The following ERBB2 variants were observed in gnomAD, a reference collection of about 807,000 sequenced individuals.
The protein encoded by ERBB2 is erb-b2 receptor tyrosine kinase 2.
ERBB2 carries 61 observed loss-of-function variants against 149.0 expected under a neutral mutation model. The ratio of observed to expected loss-of-function variants is 0.41; its 90% CI spans 0.33 to 0.51. The LOEUF (loss-of-function observed/expected upper bound fraction) is 0.51, where lower values mean the gene tolerates loss of function less well. ERBB2 is among the 20% of genes least tolerant of loss of function. The probability of loss-of-function intolerance (pLI) is 0.25; values close to 1 mark genes in which losing one functional copy is unlikely to be tolerated. For synonymous variants in ERBB2, 633 were observed against 678.8 expected (o/e 0.93, Z 1.05); for missense variants, 1,205 against 1,655.1 (o/e 0.73, Z 4.72).
At chr17:39,703,014 C>G (rs969158940) in intron 1 of ERBB2, among the ~76,000 whole-genome samples, 2 of 152,230 alleles carry the variant, frequency 1.3e-5, no homozygotes, top group Non-Finnish European at 2.9e-5. Context: ...CTTGTTCAGG[C>G]GAATGACCTT....
rs2145446481 is a variant in ERBB2 at position 39,708,509 on chromosome 17, G to A, written c.414G>A (p.Arg138=). The A allele has an allele frequency of 6.2e-7, 1 of 1,614,038 alleles. No homozygotes were observed. The highest frequency in any genetic ancestry group is 8.5e-7 in the Non-Finnish European group (1 of 1,179,936). ...PVTGASPGGL[R]ELQLRSLTEI... ...CAGGGGCCTCCCCAGGAGGCCTGCGGGAGCTGCAGCTTCGAAGCCTCACAG... is the reference window on the plus strand; with the variant it reads ...CAGGGGCCTCCCCAGGAGGCCTGCGAGAGCTGCAGCTTCGAAGCCTCACAG... Residue 138 remains arginine (R), a synonymous_variant, in exon 3 of 27, where the codon CGG becomes CGA. Transcript: ENST00000269571.
chr17:39,709,195 C>A, intron 3 of ERBB2, 123 bp from the exon 4 acceptor site: 1 of 1,133,334 alleles, frequency 8.8e-7, no homozygotes, highest in Non-Finnish European at 1.3e-6. Flanking sequence ...GCTTTCTCTC[C>A]TCCCTGGGGA....
In ERBB2 at chr17:39,726,170, C is replaced by A; in HGVS notation, c.2872+317C>A. On this transcript the variant is annotated intron_variant, in intron 23 of 26. Transcript: ENST00000269571. This position sits in a 1 kb window ranked among gnomAD's most constrained non-coding sequence, Gnocchi z 5.1. ...GCAACATAGTGAGATCCTATCTCTA[C>A]AAAAAATAAAAAAATTATCTGGGTG... 1 of 397,342 alleles carries A rather than the reference C, an allele frequency of 2.5e-6. No homozygotes were observed. Among genetic ancestry groups the A allele is most frequent in the Non-Finnish European group, 4.6e-6 (1 of 219,676 alleles). 24.6% of individuals were successfully genotyped at this position (397,342 alleles called of 1,614,324 possible). A position where few individuals can be genotyped will look rare whatever the true frequency, so the allele number is the denominator to read the frequency against.
intron 15 of ERBB2, among the ~76,000 whole-genome samples, chr17:39,718,140 T>C (rs1458906959): frequency 6.6e-6 from 1 of 152,240 alleles, no homozygotes; most frequent in Non-Finnish European, 1.5e-5. Context: ...AATAGAATCA[T>C]AGATCATACA....
upstream of ERBB2, among the ~76,000 whole-genome samples, chr17:39,693,608 A>G: frequency 6.6e-6 from 1 of 152,006 alleles, no homozygotes; most frequent in East Asian, 1.9e-4. Flanking sequence ...AAATACAAAA[A>G]TTAGCCAGGC....
rs745439220 is a variant in ERBB2, at chr17:39,709,808, C to G, written c.575-5C>G. On this transcript the variant is annotated splice_polypyrimidine_tract_variant and splice_region_variant and intron_variant, in intron 4 of 26. Coordinates refer to ENST00000269571, the MANE Select transcript of ERBB2 (RefSeq NM_004448.4). ...CTCACTGCCTGTCTCTGGTTCTGTC[C>G]TCAGGCCACCCCTGTTCTCCGATGT... 6 of 1,612,746 alleles carry G rather than the reference C, an allele frequency of 3.7e-6. No homozygotes were observed. Among genetic ancestry groups the G allele is most frequent in the Middle Eastern group, 1.7e-4 (1 of 6,060 alleles).
upstream of ERBB2, chr17:39,695,161 G>C (rs997037286): frequency 2.6e-5 from 4 of 152,534 alleles, no homozygotes; most frequent in African/African-American, 9.6e-5. Flanking sequence ...ATGTACTGTT[G>C]TGGACATGCA....
upstream of ERBB2, among the ~76,000 whole-genome samples, chr17:39,697,789 G>A (rs938038281): frequency 1.1e-4 from 17 of 151,918 alleles, no homozygotes; most frequent in Admixed American, 2.0e-4. Flanking sequence ...TGCCCTCTGA[G>A]TTCAAGCAAT....
intron 19 of ERBB2, 103 bp downstream of exon 19, chr17:39,724,113 C>T (rs2059599543): frequency 2.6e-6 from 2 of 764,572 alleles, no homozygotes; most frequent in African/African-American, 1.8e-5. Flanking sequence ...GATATGACTC[C>T]CGCAAACCTA....
chr17:39,706,225 C>T (rs530493649), intron 1 of ERBB2, among the ~76,000 whole-genome samples: 14 of 152,326 alleles, frequency 9.2e-5, no homozygotes, highest in African/African-American at 9.6e-5. Context: ...GCAGCAGTTT[C>T]GTGGCACACA....
rs1389410789 is a variant in ERBB2, at chr17:39,728,025, G to A, written c.3749G>A (p.Gly1250Asp). 2 of 1,598,736 alleles carry A rather than the reference G, an allele frequency of 1.3e-6. No individual in the cohort carries two copies. Among genetic ancestry groups the A allele is most frequent in the African/African-American group, 2.7e-5 (2 of 74,836 alleles). Residue 1250 changes from glycine to aspartate, a missense_variant, in exon 27 of 27, where the codon GGT (glycine) becomes GAT (aspartate). Physicochemically the swap from Gly to Asp is moderately conservative, Grantham distance 94. Around this residue, in one of 6 missense-constraint regions of ERBB2, gnomAD observed 312 missense variants for 343.8 expected, o/e 0.91. Coordinates refer to ENST00000269571, the MANE Select transcript of ERBB2 (RefSeq NM_004448.4). Reference protein sequence around the residue: ...TPTAENPEYLGLDVPV With the variant: ...TPTAENPEYLDLDVPV ...ACGGCAGAGAACCCAGAGTACCTGG[G>A]TCTGGACGTGCCAGTGTGAACCAGA...
Position 39,723,061 on chromosome 17 carries a change from A to G in ERBB2, c.1947-258A>G, listed in dbSNP as rs1243126285. On this transcript the variant is annotated intron_variant, in intron 16 of 26. Coordinates refer to ENST00000269571, the MANE Select transcript of ERBB2 (RefSeq NM_004448.4). This position sits in a 1 kb window ranked among gnomAD's most constrained non-coding sequence, Gnocchi z 6.2. ...TTACACCATGAATTGTTGAAGCCCTAAGCCAGAGCCAAGGGCAAGAGTATA... is the reference window on the plus strand; with the variant it reads ...TTACACCATGAATTGTTGAAGCCCTGAGCCAGAGCCAAGGGCAAGAGTATA... Among the ~76,000 whole-genome samples the G allele has an allele frequency of 5.9e-5, 9 of 152,278 alleles. No individual in the cohort carries two copies. In the East Asian group the frequency reaches 1.3e-3, roughly 23 times the overall value.
upstream of ERBB2, chr17:39,699,517 C>A: frequency 6.5e-7 from 1 of 1,532,726 alleles, no homozygotes; most frequent in Non-Finnish European, 8.7e-7. Context: ...TGTAGACCCT[C>A]TTAAGATCAT....
At chr17:39,700,036 A>G (rs979038185), upstream of ERBB2, 60 of 1,267,386 alleles carry the variant, frequency 4.7e-5, no homozygotes, top group African/African-American at 7.4e-4. Context: ...TTGAGGAAGT[A>G]TAAGAATGAA....
intron 4 of ERBB2, 88 bp downstream of exon 4, chr17:39,709,540 C>A (rs1372440097): frequency 1.3e-6 from 2 of 1,507,240 alleles, no homozygotes; most frequent in South Asian, 1.2e-5. Context: ...TGCCTGCCCG[C>A]CACTGCCCCA....
chr17:39,703,807 T>A (rs1462222244), intron 1 of ERBB2, among the ~76,000 whole-genome samples: 1 of 152,242 alleles, frequency 6.6e-6, no homozygotes, highest in Non-Finnish European at 1.5e-5. Context: ...AATCCCAGTG[T>A]CACTTGAATG....
intron 15 of ERBB2, chr17:39,717,687 T>C (rs940425886): frequency 6.3e-6 from 3 of 473,970 alleles, no homozygotes; most frequent in Non-Finnish European, 1.1e-5. Flanking sequence ...TAATTTGAAA[T>C]ATTTTTCCTC....
chr17:39,717,663 A>G lies in ERBB2; in HGVS notation c.1898+183A>G, dbSNP rs966029194. ...TATAAATTAATGCCCTAGCAGTTCT[A>G]TCCCCACTGTTAATAATTTGAAATA... On this transcript the variant is annotated intron_variant, in intron 15 of 26. Transcript: ENST00000269571. 1.4e-4 allele frequency: 71 copies of G among 517,814 alleles called. 2 individuals carry two copies. The highest frequency in any genetic ancestry group is 9.0e-4 in the African/African-American group (47 of 52,046). 32.1% of individuals were successfully genotyped at this position (517,814 alleles called of 1,614,324 possible).
rs367599823 is a variant in ERBB2 at position 39,719,816 on chromosome 17, C to G, written c.1928C>G (p.Pro643Arg). The G allele has an allele frequency of 7.4e-6, 12 of 1,614,032 alleles. No homozygotes were observed. Among genetic ancestry groups the G allele is most frequent in the Non-Finnish European group, 1.0e-5 (12 of 1,180,002 alleles). Residue 643 changes from proline to arginine, a missense_variant, in exon 16 of 27, where the codon CCC becomes CGC. This residue lies in a region of ERBB2 where 569 missense variants were observed against 803.5 expected (regional missense o/e 0.71). Coordinates refer to ENST00000269571, the MANE Select transcript of ERBB2 (RefSeq NM_004448.4). ...GTGGACCTGGATGACAAGGGCTGCC[C>G]CGCCGAGCAGAGAGCCAGGTTGGCC... The part of the protein sequence containing the change: ...SCVDLDDKGC[P>R]AEQRASPLTS...
Sources: gnomAD v4.1 joint callset for allele counts (sites outside exome capture counted in the v4.1 genomes callset) on GRCh38, gnomAD v4.1.1 for gene constraint, gnomAD v4.1.1 regional missense constraint, Gnocchi (gnomAD v3.1) non-coding constraint, MANE v1.5 for transcripts, NCBI Gene and HGNC (gene_info 2026-07-23, HGNC 2026-07-21) for gene names.